PLCL1: variants seen among roughly 807,000 people sequenced by gnomAD.
The protein encoded by PLCL1 is phospholipase C like 1 (inactive), also known as inactive phospholipase C-like protein 1.
PLCL1 carries 41 observed loss-of-function variants against 84.4 expected under a neutral mutation model. The observed-to-expected ratio is 0.49, with a 90% CI of 0.38 to 0.63. The LOEUF (loss-of-function observed/expected upper bound fraction) is 0.63. Among genes scored for constraint, PLCL1 ranks in the 30% least tolerant of loss-of-function variants. The pLI is 0.00. For missense variants in PLCL1, 1,206 were observed against 1,367.8 expected (o/e 0.88, Z 1.87); for synonymous variants, 490 against 488.3 (o/e 1.00, Z -0.05).
chr2:198,008,319 C>T (rs769123578), intron 1 of PLCL1, among the ~76,000 whole-genome samples: 10 of 151,924 alleles, frequency 6.6e-5, no homozygotes, highest in South Asian at 4.1e-4. Context: ...ACAACTTTTT[C>T]GTCTTGTTAC....
chr2:198,060,225 C>T (rs1270928280), intron 1 of PLCL1, among the ~76,000 whole-genome samples: 3 of 152,188 alleles, frequency 2.0e-5, no homozygotes, highest in Non-Finnish European at 2.9e-5. Context: ...CATTTCCTGC[C>T]ATCTTCACCG....
intron 1 of PLCL1, among the ~76,000 whole-genome samples, chr2:197,824,729 A>C (rs912601698): frequency 4.6e-5 from 7 of 151,646 alleles, no homozygotes; most frequent in African/African-American, 1.2e-4. Context: ...AAAAAAAAAA[A>C]AAAAAACATG....
At chr2:198,122,765 T>C (rs1693897587) in intron 5 of PLCL1, among the ~76,000 whole-genome samples, 1 of 152,158 alleles carries the variant, frequency 6.6e-6, no homozygotes, top group African/African-American at 2.4e-5. Flanking sequence ...AATATATTTT[T>C]AAAATGTAAA....
chr2:197,923,913 C>G (rs867207524), intron 1 of PLCL1, among the ~76,000 whole-genome samples: 7 of 151,606 alleles, frequency 4.6e-5, no homozygotes, highest in Middle Eastern at 3.4e-3. Flanking sequence ...CCCGGCACCT[C>G]GGGAGGCCAA....
rs184769681 is a variant in PLCL1, at chr2:197,885,289, G to A, written c.240+79950G>A. Reference sequence around the variant, plus strand: ...TGCCATCTACAAGCTGGAGACCCAAGACAGCTGGTGGTGTAATTCAGTCTG... The same window carrying A: ...TGCCATCTACAAGCTGGAGACCCAAAACAGCTGGTGGTGTAATTCAGTCTG... On this transcript the variant is annotated intron_variant, in intron 1 of 5. Coordinates refer to ENST00000428675, the MANE Select transcript of PLCL1 (RefSeq NM_006226.4). Among the ~76,000 whole-genome samples, 432 of 152,274 alleles carry A rather than the reference G, an allele frequency of 2.8e-3. 1 individual carries two copies. The highest frequency in any genetic ancestry group is 4.6e-3 in the Non-Finnish European group (312 of 68,018).
In PLCL1 at chr2:198,140,422, G is replaced by A. The variant is rs1368033116; in HGVS notation, c.3106-6358G>A. On this transcript the variant is annotated intron_variant, in intron 5 of 5. Transcript: ENST00000428675. The stretch of plus-strand genomic sequence containing the variant: ...TTTAAAAAACATGGCTAATACAAAG[G>A]TTTTCTGCTTAAAATGCAGTTAATT... Among the ~76,000 whole-genome samples, 4 of 152,130 alleles carry A rather than the reference G, an allele frequency of 2.6e-5. No individual in the cohort carries two copies. In the South Asian group the frequency reaches 6.2e-4, roughly 24 times the overall value.
At chr2:198,052,624 A>G (rs1267826543) in intron 1 of PLCL1, among the ~76,000 whole-genome samples, 1 of 152,146 alleles carries the variant, frequency 6.6e-6, no homozygotes, top group Non-Finnish European at 1.5e-5. Context: ...CTTATTGGAT[A>G]TCATAGAATT....
intron 1 of PLCL1, among the ~76,000 whole-genome samples, chr2:197,991,651 T>C (rs1168236054): frequency 6.6e-6 from 1 of 152,208 alleles, no homozygotes; most frequent in Non-Finnish European, 1.5e-5. Context: ...CTGCTTAGTA[T>C]ATTTATTCCA....
chr2:197,857,419 G>C (rs896245627), intron 1 of PLCL1, among the ~76,000 whole-genome samples: 1 of 152,162 alleles, frequency 6.6e-6, no homozygotes, highest in Non-Finnish European at 1.5e-5. Flanking sequence ...TTTGTTCTCT[G>C]ATAGGCATAG....
At chr2:197,878,438 C>A (rs1357585669) in intron 1 of PLCL1, among the ~76,000 whole-genome samples, 2 of 152,132 alleles carry the variant, frequency 1.3e-5, no homozygotes, top group Non-Finnish European at 2.9e-5. Flanking sequence ...TCCCCAAGAA[C>A]AAAATGCTAT....
chr2:197,852,274 G>T (rs1008646210), intron 1 of PLCL1, among the ~76,000 whole-genome samples: 3 of 152,204 alleles, frequency 2.0e-5, no homozygotes, highest in Admixed American at 6.5e-5. Context: ...AGATGGCACT[G>T]CTGTGTGCTG....
intron 1 of PLCL1, among the ~76,000 whole-genome samples, chr2:197,969,595 T>G (rs959557848): frequency 1.3e-5 from 2 of 152,216 alleles, no homozygotes; most frequent in Non-Finnish European, 2.9e-5. Flanking sequence ...GTTTTTCACA[T>G]TGCTTGACTC....
intron 1 of PLCL1, among the ~76,000 whole-genome samples, chr2:197,999,273 A>G (rs1690541585): frequency 6.6e-6 from 1 of 152,180 alleles, no homozygotes; most frequent in Non-Finnish European, 1.5e-5. Flanking sequence ...GTATAAAATG[A>G]AGACGTAAAC....
chr2:197,948,284 T>A (rs1185751402), intron 1 of PLCL1, among the ~76,000 whole-genome samples: 1 of 152,108 alleles, frequency 6.6e-6, no homozygotes, highest in East Asian at 1.9e-4. Context: ...AGAAACAGGT[T>A]TATGGAGAAA....
At chr2:197,974,877 C>T (rs990531795) in intron 1 of PLCL1, among the ~76,000 whole-genome samples, 1 of 152,118 alleles carries the variant, frequency 6.6e-6, no homozygotes. Flanking sequence ...CGCAGTGGCT[C>T]ACGCCTGTAA....
At chr2:197,949,029 G>C in intron 1 of PLCL1, among the ~76,000 whole-genome samples, 1 of 152,226 alleles carries the variant, frequency 6.6e-6, no homozygotes, top group Middle Eastern at 3.4e-3. Context: ...AAGTCCTCCT[G>C]CTTCTCTGCA....
intron 1 of PLCL1, among the ~76,000 whole-genome samples, chr2:198,051,150 C>T (rs1346221458): frequency 6.6e-6 from 1 of 151,974 alleles, no homozygotes; most frequent in African/African-American, 2.4e-5. Context: ...AGAACAAACT[C>T]ATTAGAAAGG....
chr2:197,989,333 T>C (rs1690288787), intron 1 of PLCL1, among the ~76,000 whole-genome samples: 1 of 152,164 alleles, frequency 6.6e-6, no homozygotes, highest in South Asian at 2.1e-4. Flanking sequence ...GGCAAGCCCA[T>C]GTTAAGTTAA....
intron 1 of PLCL1, among the ~76,000 whole-genome samples, chr2:197,876,932 C>G (rs1240334922): frequency 6.6e-6 from 1 of 152,030 alleles, no homozygotes; most frequent in African/African-American, 2.4e-5. Flanking sequence ...CAGCAAAATC[C>G]CATGTACAAT....
Sources: allele counts gnomAD v4.1 joint callset (sites outside exome capture counted in the v4.1 genomes callset), GRCh38; gene constraint gnomAD v4.1.1; transcripts MANE v1.5; gene names NCBI Gene and HGNC (gene_info 2026-07-23, HGNC 2026-07-21).